Variants in NDUFAF6 observed in about 807,000 individuals in gnomAD.
The protein encoded by NDUFAF6 is NADH dehydrogenase (ubiquinone) complex I, assembly factor 6.
In NDUFAF6, 45 loss-of-function variants were observed where a neutral mutation model predicts 40.8. The observed-to-expected ratio is 1.10, with a 90% CI of 0.87 to 1.42. The LOEUF (loss-of-function observed/expected upper bound fraction) is 1.42, where lower values mean the gene tolerates loss of function less well. Ranked by LOEUF, NDUFAF6 falls within the 40% of genes most tolerant of loss-of-function variation. NDUFAF6 has a pLI of 0.00. For missense variants in NDUFAF6, 435 were observed against 418.5 expected (o/e 1.04, Z -0.34); for synonymous variants, 185 against 155.9 (o/e 1.19, Z -1.39).
intron 4 of NDUFAF6, among the ~76,000 whole-genome samples, chr8:95,109,484 G>A (rs1809931457): frequency 6.6e-6 from 1 of 152,090 alleles, no homozygotes; most frequent in Admixed American, 6.6e-5. Context: ...GGAAATCTTT[G>A]TACTCTTCAG....
intron 1 of NDUFAF6, among the ~76,000 whole-genome samples, chr8:94,924,923 A>AATATTTTT: frequency 6.6e-6 from 1 of 152,070 alleles, no homozygotes; most frequent in Non-Finnish European, 1.5e-5. Flanking sequence ...TTGTATTTTT[A>AATATTTTT]GTAGAGATGG....
chr8:95,114,384 G>A (rs958471984), intron 4 of NDUFAF6, among the ~76,000 whole-genome samples: 3 of 152,146 alleles, frequency 2.0e-5, no homozygotes, highest in Admixed American at 6.5e-5. Context: ...AAAAGCAGCT[G>A]GTGCTGTGAG....
chr8:94,958,460 G>A (rs543592857), intron 1 of NDUFAF6, among the ~76,000 whole-genome samples: 13 of 150,978 alleles, frequency 8.6e-5, no homozygotes, highest in African/African-American at 3.2e-4. Flanking sequence ...CGGGATTAGG[G>A]GCCACCCTAA....
upstream of NDUFAF6, among the ~76,000 whole-genome samples, chr8:95,024,513 T>G (rs11776189): frequency 0.13 from 19,978 of 152,152 alleles, 1,363 homozygotes; most frequent in Middle Eastern, 0.23. Flanking sequence ...AGGCCTTTGG[T>G]GGTGTGTGGG....
intron 2 of NDUFAF6, among the ~76,000 whole-genome samples, chr8:95,016,667 G>A (rs1028384540): frequency 3.9e-5 from 6 of 152,142 alleles, no homozygotes; most frequent in Non-Finnish European, 7.4e-5. Context: ...ACTTGAACCC[G>A]GCAGGTGGAG....
At chr8:94,932,577 G>A (rs901843313) in intron 1 of NDUFAF6, among the ~76,000 whole-genome samples, 1 of 152,216 alleles carries the variant, frequency 6.6e-6, no homozygotes, top group Non-Finnish European at 1.5e-5. Flanking sequence ...GCTGAGGCGG[G>A]CGGATCGTGA....
At chr8:95,092,354 G>A (rs1459251218) in intron 2 of NDUFAF6, among the ~76,000 whole-genome samples, 1 of 151,232 alleles carries the variant, frequency 6.6e-6, no homozygotes, top group African/African-American at 2.4e-5. Flanking sequence ...GCTAATTTTT[G>A]TATTTTTAGT....
At chr8:95,018,559 G>A (rs1341914718) in intron 2 of NDUFAF6, among the ~76,000 whole-genome samples, 1 of 151,762 alleles carries the variant, frequency 6.6e-6, no homozygotes, top group East Asian at 1.9e-4. Flanking sequence ...AATCTGTTTT[G>A]TGGGGACAGA....
chr8:95,026,713 A>T (rs762738965), intron 1 of NDUFAF6, among the ~76,000 whole-genome samples: 1 of 152,220 alleles, frequency 6.6e-6, no homozygotes, highest in African/African-American at 2.4e-5. Context: ...AATCACTTTT[A>T]AAAATTTCTT....
chr8:95,004,983 A>C (rs1195909661), intron 2 of NDUFAF6, among the ~76,000 whole-genome samples: 1 of 152,086 alleles, frequency 6.6e-6, no homozygotes, highest in Non-Finnish European at 1.5e-5. Context: ...GTAAGGGGGG[A>C]GTCAGGTTAA....
intron 1 of NDUFAF6, chr8:94,929,731 T>A (rs1173246429): frequency 2.0e-5 from 3 of 152,204 alleles, no homozygotes; most frequent in Non-Finnish European, 2.9e-5. Flanking sequence ...CAGACATGAA[T>A]TTTTCCAAAT....
chr8:95,008,415 C>A lies in NDUFAF6; in HGVS notation c.-83-23580C>A, dbSNP rs187653921. Among the ~76,000 whole-genome samples, 381 of 152,294 alleles carry A rather than the reference C, an allele frequency of 2.5e-3. 4 individuals are homozygous for A. The highest frequency in any genetic ancestry group is 8.7e-3 in the African/African-American group (363 of 41,570). On this transcript the variant is annotated intron_variant, in intron 2 of 9. Coordinates refer to the NDUFAF6 transcript ENST00000396111. ...GCTAATTTTTATTCGTGTCAGTTTG[C>A]TATGTCTTGTTTAGATCACAAGCTC...
At chr8:95,077,639 C>A (rs1457780411), downstream of NDUFAF6, among the ~76,000 whole-genome samples, 1 of 152,192 alleles carries the variant, frequency 6.6e-6, no homozygotes, top group Non-Finnish European at 1.5e-5. Flanking sequence ...GTAACTGACA[C>A]TGCAGAAAGC....
At chr8:94,910,246 G>A (rs965463527) in intron 1 of NDUFAF6, among the ~76,000 whole-genome samples, 1 of 151,890 alleles carries the variant, frequency 6.6e-6, no homozygotes, top group Non-Finnish European at 1.5e-5. Flanking sequence ...TCTGTCTCCC[G>A]GGTTCAAACA....
chr8:95,093,481 C>T (rs1250407840), intron 2 of NDUFAF6, among the ~76,000 whole-genome samples: 2 of 152,224 alleles, frequency 1.3e-5, no homozygotes, highest in Non-Finnish European at 2.9e-5. Context: ...ATTGCATACA[C>T]TGGACACCAT....
intron 2 of NDUFAF6, among the ~76,000 whole-genome samples, chr8:95,094,379 C>A (rs138844962): frequency 1.2e-4 from 3 of 25,028 alleles, no homozygotes; most frequent in African/African-American, 2.1e-4. Context: ...CTTTTCTTTC[C>A]TTCTTTCTTT....
intron 2 of NDUFAF6, among the ~76,000 whole-genome samples, chr8:94,994,535 A>G (rs201914122): frequency 7.2e-6 from 1 of 139,286 alleles, no homozygotes; most frequent in Admixed American, 7.1e-5. Flanking sequence ...ATCTCAAAGG[A>G]AAAAAAAAAA....
At position 95,058,641 on chromosome 8, in the gene NDUFAF6, CTGAGAAAGTTTGTATAAG is replaced by C; in HGVS notation, c.*708_*725del. ...TATCATGATCGTGAACAAAATTGTA[CTGAGAAAGTTTGTATAAG>C]TGATATGAACGGTATTGTATTGAAC... On this transcript the variant is annotated 3_prime_UTR_variant, in exon 9 of 9. Transcript: ENST00000396124. 1 of 1,104,090 alleles carries C rather than the reference CTGAGAAAGTTTGTATAAG, an allele frequency of 9.1e-7. No homozygotes were observed. The highest frequency in any genetic ancestry group is 1.1e-6 in the Non-Finnish European group (1 of 907,984). The allele number at this position is 1,104,090 out of a possible 1,614,324, so 68.4% of individuals were successfully genotyped here. A position where few individuals can be genotyped will look rare whatever the true frequency, so the allele number is the denominator to read the frequency against.
At chr8:95,014,651 T>C (rs999588790) in intron 2 of NDUFAF6, among the ~76,000 whole-genome samples, 20 of 152,236 alleles carry the variant, frequency 1.3e-4, no homozygotes, top group African/African-American at 4.3e-4. Context: ...ACTCTTGGGT[T>C]GCAAGTGAAA....
Sources: allele counts gnomAD v4.1 joint callset (sites outside exome capture counted in the v4.1 genomes callset), GRCh38; gene constraint gnomAD v4.1.1; transcripts MANE v1.5; gene names NCBI Gene and HGNC (gene_info 2026-07-23, HGNC 2026-07-21).